The following KIF16B variants were observed in gnomAD, a reference collection of about 807,000 sequenced individuals.
The protein encoded by KIF16B is kinesin family member 16B.
KIF16B carries 98 observed loss-of-function variants against 156.3 expected under a neutral mutation model. The ratio of observed to expected loss-of-function variants is 0.63; its 90% confidence interval spans 0.53 to 0.74. The LOEUF (loss-of-function observed/expected upper bound fraction) is 0.74. Among genes scored for constraint, KIF16B ranks in the 30% least tolerant of loss-of-function variants. The pLI is 0.00. For synonymous variants in KIF16B, 564 were observed against 583.7 expected, an observed-to-expected ratio of 0.97 and a Z score of 0.49; for missense variants, 1,421 against 1,606.5, an observed-to-expected ratio of 0.88 and a Z score of 1.97.
intron 12 of KIF16B, among the ~76,000 whole-genome samples, chr20:16,463,087 A>G (rs2067392412): frequency 6.6e-6 from 1 of 152,200 alleles, no homozygotes; most frequent in African/African-American, 2.4e-5. Context: ...TATGTAAATC[A>G]GACACCACCT....
intron 12 of KIF16B, among the ~76,000 whole-genome samples, chr20:16,479,222 G>T (rs896885948): frequency 1.3e-5 from 2 of 152,190 alleles, no homozygotes; most frequent in African/African-American, 4.8e-5. Context: ...GGATGGAGCT[G>T]GAAGCCATTA....
intron 17 of KIF16B, among the ~76,000 whole-genome samples, chr20:16,399,885 G>A (rs185854621): frequency 1.3e-5 from 2 of 152,156 alleles, no homozygotes. Context: ...TGCCCTGACT[G>A]TCTCTGTAGC....
intron 11 of KIF16B, among the ~76,000 whole-genome samples, chr20:16,496,185 C>T (rs892521442): frequency 1.3e-5 from 2 of 152,214 alleles, no homozygotes; most frequent in African/African-American, 4.8e-5. Context: ...TCTCTCCCTA[C>T]AGATGGGGAA....
At chr20:16,564,616 A>C (rs1286656139) in intron 1 of KIF16B, among the ~76,000 whole-genome samples, 2 of 151,966 alleles carry the variant, frequency 1.3e-5, no homozygotes, top group Non-Finnish European at 2.9e-5. Context: ...TACCATATGT[A>C]ACTAACCTGC....
chr20:16,365,960 C>T (rs550677423), intron 22 of KIF16B, among the ~76,000 whole-genome samples: 2 of 152,242 alleles, frequency 1.3e-5, no homozygotes, highest in East Asian at 3.9e-4. Context: ...CTTCTGAGAA[C>T]TCTAGATTTA....
chr20:16,336,423 C>A (rs893228474), intron 23 of KIF16B, among the ~76,000 whole-genome samples: 8 of 152,072 alleles, frequency 5.3e-5, no homozygotes, highest in African/African-American at 1.9e-4. Context: ...ATCAATTCAG[C>A]CTTTAATAGG....
intron 17 of KIF16B, among the ~76,000 whole-genome samples, chr20:16,398,771 G>GT (rs2065577041): frequency 6.6e-6 from 1 of 152,144 alleles, no homozygotes; most frequent in Non-Finnish European, 1.5e-5. Context: ...AATTCCCAAG[G>GT]GATAGAGTGG....
intron 12 of KIF16B, among the ~76,000 whole-genome samples, chr20:16,472,189 C>T (rs1262995767): frequency 2.0e-5 from 3 of 152,216 alleles, no homozygotes; most frequent in Non-Finnish European, 2.9e-5. Context: ...CATATGCTTT[C>T]GTTCCACCTC....
chr20:16,560,827 C>G (rs985316457), intron 1 of KIF16B, among the ~76,000 whole-genome samples: 1 of 151,924 alleles, frequency 6.6e-6, no homozygotes, highest in East Asian at 1.9e-4. Flanking sequence ...CAAGAGGAAA[C>G]GGAATTGGCA....
intron 25 of KIF16B, among the ~76,000 whole-genome samples, chr20:16,279,771 T>G (rs1220644249): frequency 2.0e-5 from 3 of 152,200 alleles, no homozygotes; most frequent in African/African-American, 7.2e-5. Context: ...AGCCCAATCT[T>G]TAAATTTCCA....
intron 24 of KIF16B, among the ~76,000 whole-genome samples, chr20:16,314,547 G>A (rs1320022514): frequency 6.6e-6 from 1 of 152,212 alleles, no homozygotes; most frequent in Non-Finnish European, 1.5e-5. Flanking sequence ...CATGGGCACT[G>A]AGGCAAGACA....
At chr20:16,475,893 T>A (rs375912482) in intron 12 of KIF16B, among the ~76,000 whole-genome samples, 1 of 152,172 alleles carries the variant, frequency 6.6e-6, no homozygotes, top group East Asian at 1.9e-4. Flanking sequence ...TTAAAAGAAC[T>A]CCAGAAATGT....
chr20:16,327,893 G>A (rs1157594094), intron 24 of KIF16B, among the ~76,000 whole-genome samples: 1 of 152,130 alleles, frequency 6.6e-6, no homozygotes, highest in Admixed American at 6.6e-5. Flanking sequence ...GCTCTCTGTG[G>A]CTGCAGTTGG....
intron 12 of KIF16B, among the ~76,000 whole-genome samples, chr20:16,436,094 G>C (rs6043946): frequency 0.48 from 73,084 of 151,622 alleles, 18,457 homozygotes; most frequent in African/African-American, 0.64. Context: ...GCCCATCTAT[G>C]CAGCCACCCA....
At chr20:16,564,724 G>A (rs972040069) in intron 1 of KIF16B, among the ~76,000 whole-genome samples, 13 of 151,478 alleles carry the variant, frequency 8.6e-5, no homozygotes, top group Non-Finnish European at 1.9e-4. Flanking sequence ...TTAGATGAAC[G>A]GAAATGAGGC....
At chr20:16,531,579 T>A (rs1690131866) in intron 1 of KIF16B, among the ~76,000 whole-genome samples, 1 of 152,070 alleles carries the variant, frequency 6.6e-6, no homozygotes, top group African/African-American at 2.4e-5. Flanking sequence ...AGAGCTGCCC[T>A]ATAGGGAACC....
At chr20:16,427,391 G>A in intron 14 of KIF16B, 150 bp from the exon 15 acceptor site, 2 of 752,610 alleles carry the variant, frequency 2.7e-6, no homozygotes, top group African/African-American at 1.8e-5. Flanking sequence ...TGTTTAGTGA[G>A]AAAACCGAAC....
intron 25 of KIF16B, among the ~76,000 whole-genome samples, chr20:16,279,218 A>G (rs2063109511): frequency 6.6e-6 from 1 of 152,146 alleles, no homozygotes; most frequent in South Asian, 2.1e-4. Flanking sequence ...AGGACAGATA[A>G]GCTTTTCCCA....
intron 24 of KIF16B, among the ~76,000 whole-genome samples, chr20:16,314,953 G>A (rs972398106): frequency 3.9e-5 from 6 of 152,192 alleles, no homozygotes; most frequent in South Asian, 2.1e-4. Context: ...CGTGCCTCCC[G>A]CTTCCCCCGA....
Sources: allele counts gnomAD v4.1 joint callset (sites outside exome capture counted in the v4.1 genomes callset), GRCh38; gene constraint gnomAD v4.1.1; transcripts MANE v1.5; gene names NCBI Gene and HGNC (gene_info 2026-07-23, HGNC 2026-07-21).